VPS37A: variants seen among roughly 807,000 people sequenced by gnomAD.
VPS37A encodes VPS37A subunit of ESCRT-I, also known as vacuolar protein sorting-associated protein 37A.
A neutral mutation model predicts 49.8 loss-of-function variants in VPS37A; 30 were observed. The observed-to-expected ratio is 0.60, with a 90% CI of 0.45 to 0.82. The LOEUF (loss-of-function observed/expected upper bound fraction) is 0.82, where lower values mean the gene tolerates loss of function less well. Ranked by LOEUF, VPS37A falls within the 40% of genes least tolerant of loss-of-function variation. The pLI, the probability that VPS37A is intolerant of heterozygous loss-of-function variation, is 0.00. For synonymous variants in VPS37A, 195 were observed against 160.6 expected (o/e 1.21, Z -1.62); for missense variants, 593 against 464.4 (o/e 1.28, Z -2.55).
downstream of VPS37A, among the ~76,000 whole-genome samples, chr8:17,306,872 T>C (rs935647274): frequency 4.6e-5 from 7 of 152,190 alleles, no homozygotes; most frequent in African/African-American, 1.7e-4. Context: ...CTTTGCACCT[T>C]ATACAAAAAT....
intron 1 of VPS37A, among the ~76,000 whole-genome samples, chr8:17,260,591 T>C (rs910977633): frequency 2.0e-5 from 3 of 152,184 alleles, no homozygotes; most frequent in African/African-American, 7.2e-5. Flanking sequence ...ACATTAATTT[T>C]TTTTCTTTCA....
the VPS37A span, among the ~76,000 whole-genome samples, chr8:17,319,413 A>G: frequency 3.4e-3 from 518 of 152,282 alleles, 2 homozygotes; most frequent in Non-Finnish European, 4.3e-3. Context: ...TGTTAGACTC[A>G]CTCAAACATG....
At chr8:17,317,784 C>T in the VPS37A span, among the ~76,000 whole-genome samples, 10 of 152,172 alleles carry the variant, frequency 6.6e-5, no homozygotes, top group South Asian at 2.1e-4. Flanking sequence ...CTCATACTTC[C>T]GCCATAAATT....
the VPS37A span, among the ~76,000 whole-genome samples, chr8:17,323,557 A>G: frequency 6.6e-6 from 1 of 152,048 alleles, no homozygotes; most frequent in Admixed American, 6.6e-5. Context: ...GGTAGGCACT[A>G]GAGAGGAGGC....
intron 1 of VPS37A, among the ~76,000 whole-genome samples, chr8:17,264,319 G>T (rs1042980318): frequency 6.6e-6 from 1 of 152,076 alleles, no homozygotes; most frequent in African/African-American, 2.4e-5. Flanking sequence ...ACCTCTTCAG[G>T]TTCTAAAATA....
At chr8:17,248,131 G>C (rs1205545308) in intron 1 of VPS37A, 2 of 363,836 alleles carry the variant, frequency 5.5e-6, no homozygotes, top group African/African-American at 4.2e-5. Context: ...CATTGCAAAT[G>C]TCTATGGTCT....
At chr8:17,292,654 C>T (rs994579728) in intron 11 of VPS37A, among the ~76,000 whole-genome samples, 3 of 152,150 alleles carry the variant, frequency 2.0e-5, no homozygotes, top group African/African-American at 7.2e-5. Flanking sequence ...AGGCAGTCCT[C>T]GTGGTGACAG....
chr8:17,300,790 C>T (rs976559490), downstream of VPS37A, among the ~76,000 whole-genome samples: 8 of 152,210 alleles, frequency 5.3e-5, no homozygotes, highest in Non-Finnish European at 1.0e-4. Context: ...TCCCCACAGC[C>T]CCTGGCTACT....
chr8:17,255,564 T>C (rs760831437), intron 1 of VPS37A, among the ~76,000 whole-genome samples: 1 of 152,222 alleles, frequency 6.6e-6, no homozygotes, highest in East Asian at 1.9e-4. Flanking sequence ...TTGTTTATTC[T>C]GTAAAAGGAA....
chr8:17,305,566 T>C (rs969445824), downstream of VPS37A, among the ~76,000 whole-genome samples: 6 of 152,180 alleles, frequency 3.9e-5, no homozygotes, highest in African/African-American at 1.4e-4. Flanking sequence ...AATGAAACTA[T>C]TTATCTGTCA....
the VPS37A span, among the ~76,000 whole-genome samples, chr8:17,309,651 A>C: frequency 1.3e-5 from 2 of 152,200 alleles, no homozygotes; most frequent in Non-Finnish European, 2.9e-5. Context: ...TCACTCTTTT[A>C]GAAGGGGAAA....
intron 1 of VPS37A, among the ~76,000 whole-genome samples, chr8:17,263,742 G>C (rs1585964146): frequency 6.6e-6 from 1 of 152,090 alleles, no homozygotes; most frequent in Non-Finnish European, 1.5e-5. Context: ...TCAGGAATTC[G>C]AGACCAGCCT....
chr8:17,287,075 C>G (rs1412362928), intron 11 of VPS37A, among the ~76,000 whole-genome samples: 1 of 152,180 alleles, frequency 6.6e-6, no homozygotes, highest in Non-Finnish European at 1.5e-5. Context: ...TTACATGGCA[C>G]ATTCTTTCTT....
chr8:17,253,306 C>G (rs555231485), intron 1 of VPS37A, among the ~76,000 whole-genome samples: 2 of 152,202 alleles, frequency 1.3e-5, no homozygotes, highest in Admixed American at 6.5e-5. Flanking sequence ...TAACAGTTCT[C>G]TCTGCCTCCA....
chr8:17,313,426 A>G, the VPS37A span: 3 of 1,453,064 alleles, frequency 2.1e-6, no homozygotes, highest in Admixed American at 1.8e-5. Context: ...ATGTTATAAA[A>G]GCAAAATTAA....
intron 1 of VPS37A, among the ~76,000 whole-genome samples, chr8:17,261,187 T>G (rs1812928676): frequency 6.6e-6 from 1 of 152,208 alleles, no homozygotes; most frequent in Admixed American, 6.5e-5. Context: ...TTTCTCTTAC[T>G]GTGTATTTTC....
intron 1 of VPS37A, among the ~76,000 whole-genome samples, chr8:17,251,033 T>A (rs1363558840): frequency 6.6e-6 from 1 of 152,192 alleles, no homozygotes; most frequent in Non-Finnish European, 1.5e-5. Flanking sequence ...CTGTTTCTTA[T>A]ACTTCCTGAG....
At chr8:17,274,581 T>A in intron 4 of VPS37A, 152 bp from the exon 5 acceptor site, 1 of 525,520 alleles carries the variant, frequency 1.9e-6, no homozygotes, top group Non-Finnish European at 3.2e-6. Context: ...ATATAATATT[T>A]AATTCCATTA....
At chr8:17,256,575 C>G (rs1812482401) in intron 1 of VPS37A, among the ~76,000 whole-genome samples, 1 of 151,808 alleles carries the variant, frequency 6.6e-6, no homozygotes, top group African/African-American at 2.4e-5. Flanking sequence ...CAAAAGTTTT[C>G]TCCCGTTTTT....
Sources: gnomAD v4.1 joint callset for allele counts (sites outside exome capture counted in the v4.1 genomes callset) on GRCh38, gnomAD v4.1.1 for gene constraint, MANE v1.5 for transcripts, NCBI Gene and HGNC (gene_info 2026-07-23, HGNC 2026-07-21) for gene names.